The following ADGRB3 variants were observed in gnomAD, a reference collection of about 807,000 sequenced individuals.
The protein encoded by ADGRB3 is brain-specific angiogenesis inhibitor 3.
A neutral mutation model predicts 193.4 loss-of-function variants in ADGRB3; 37 were observed. The observed-to-expected ratio is 0.19, with a 90% confidence interval of 0.15 to 0.25. The LOEUF is 0.25. Ranked by LOEUF, ADGRB3 falls within the 10% of genes least tolerant of loss-of-function variation. The pLI is 1.00. For missense variants in ADGRB3, 1,637 were observed against 1,852.9 expected, an observed-to-expected ratio of 0.88 and a Z score of 2.14; for synonymous variants, 690 against 644.2, an observed-to-expected ratio of 1.07 and a Z score of -1.08.
intron 3 of ADGRB3, among the ~76,000 whole-genome samples, chr6:68,774,516 A>G (rs1766701362): frequency 6.6e-6 from 1 of 151,938 alleles, no homozygotes. Context: ...AATTCCCCTC[A>G]GTTTTGCTTT....
At chr6:69,349,218 T>C (rs575408781) in intron 26 of ADGRB3, among the ~76,000 whole-genome samples, 1 of 152,352 alleles carries the variant, frequency 6.6e-6, no homozygotes, top group Admixed American at 6.5e-5. Flanking sequence ...TCTATTCTCA[T>C]GCTGAAGAAA....
At chr6:68,805,040 A>G (rs1303875642) in intron 3 of ADGRB3, among the ~76,000 whole-genome samples, 1 of 151,668 alleles carries the variant, frequency 6.6e-6, no homozygotes, top group Admixed American at 6.6e-5. Context: ...CAATCCTCCC[A>G]CCTCAGCCTC....
At chr6:68,860,802 C>G (rs1765130062) in intron 3 of ADGRB3, among the ~76,000 whole-genome samples, 1 of 152,096 alleles carries the variant, frequency 6.6e-6, no homozygotes, top group Non-Finnish European at 1.5e-5. Flanking sequence ...CTATTATTCT[C>G]TGAGAAATCT....
chr6:69,187,184 A>G (rs973420304), intron 17 of ADGRB3, among the ~76,000 whole-genome samples: 2 of 152,098 alleles, frequency 1.3e-5, no homozygotes, highest in African/African-American at 4.8e-5. Context: ...AGAGAATGAA[A>G]GAGTAAGACC....
Position 69,361,439 on chromosome 6 carries a change from C to T in ADGRB3, c.4166C>T (p.Ala1389Val), listed in dbSNP as rs770174816. Reference sequence around the variant, plus strand: ...CGCACAGCTGTGAAGAATTTCATGGCCTCTGAGTTGGATGATAATGCAGGA... The same window carrying T: ...CGCACAGCTGTGAAGAATTTCATGGTCTCTGAGTTGGATGATAATGCAGGA... ...EPRTAVKNFM[A>V]SELDDNAGLS... The change falls in exon 29 of 32, where the codon GCC becomes GTC. Residue 1389 changes from alanine (A) to valine (V), a missense_variant. Ala to Val is a moderately conservative substitution (Grantham distance 64). This residue lies in a region of ADGRB3 where 368 missense variants were observed against 367.4 expected (regional missense o/e 1.00). Transcript: ENST00000370598. 1.9e-6 allele frequency: 3 copies of T among 1,612,636 alleles called. No individual in the cohort carries two copies. Among genetic ancestry groups the T allele is most frequent in the Non-Finnish European group, 2.5e-6 (3 of 1,179,144 alleles).
intron 6 of ADGRB3, among the ~76,000 whole-genome samples, chr6:68,950,965 T>TA: frequency 6.6e-6 from 1 of 152,196 alleles, no homozygotes; most frequent in East Asian, 1.9e-4. Flanking sequence ...TCGCATGGCC[T>TA]ATAGGGCCCT....
intron 3 of ADGRB3, among the ~76,000 whole-genome samples, chr6:68,920,510 A>G (rs1036440742): frequency 3.1e-5 from 2 of 64,888 alleles, no homozygotes; most frequent in African/African-American, 5.4e-5. Flanking sequence ...GAGACTCTGT[A>G]TCAAAAAAAA....
chr6:68,996,123 G>T (rs1769376111), intron 11 of ADGRB3, among the ~76,000 whole-genome samples: 2 of 152,024 alleles, frequency 1.3e-5, no homozygotes, highest in African/African-American at 4.8e-5. Flanking sequence ...AAGTTTTCTT[G>T]CATTTCTCCA....
At chr6:69,083,965 C>T (rs2150315258) in intron 17 of ADGRB3, among the ~76,000 whole-genome samples, 1 of 151,920 alleles carries the variant, frequency 6.6e-6, no homozygotes, top group South Asian at 2.1e-4. Context: ...AGTATAGACG[C>T]AGTTTCACCA....
chr6:69,327,960 C>A lies in ADGRB3; in HGVS notation c.3035+71C>A, dbSNP rs994510192. On this transcript the variant is annotated intron_variant, in intron 22 of 31. Coordinates refer to ENST00000370598, the MANE Select transcript of ADGRB3 (RefSeq NM_001704.3). ...CATCAAAGAGTCTTGGTTGGCACTG[C>A]TGATGGCTTGCAGTTTATCATGGAA... The A allele has an allele frequency of 1.2e-5, 16 of 1,358,812 alleles. No individual in the cohort carries two copies. In the Admixed American group the frequency reaches 1.7e-4, roughly 14 times the overall value. 84.2% of individuals were successfully genotyped at this position (1,358,812 alleles called of 1,614,324 possible). A position where few individuals can be genotyped will look rare whatever the true frequency, so the allele number is the denominator to read the frequency against.
intron 13 of ADGRB3, among the ~76,000 whole-genome samples, 190 bp downstream of exon 13, chr6:69,018,689 A>G (rs550850888): frequency 6.6e-6 from 1 of 152,024 alleles, no homozygotes; most frequent in South Asian, 2.1e-4. Context: ...ATGTACGCGT[A>G]TATTTGTATT....
chr6:69,383,384 G>C (rs1400785037), intron 31 of ADGRB3, among the ~76,000 whole-genome samples: 1 of 151,918 alleles, frequency 6.6e-6, no homozygotes, highest in East Asian at 1.9e-4. Flanking sequence ...TTTGTGGTAA[G>C]AATTTTCGTA....
intron 13 of ADGRB3, among the ~76,000 whole-genome samples, chr6:69,023,026 G>T (rs1770317758): frequency 6.6e-6 from 1 of 151,892 alleles, no homozygotes; most frequent in East Asian, 1.9e-4. Flanking sequence ...CTATTCTTTA[G>T]AAATTAATTG....
At chr6:68,987,031 C>A (rs1769097244) in intron 10 of ADGRB3, among the ~76,000 whole-genome samples, 1 of 152,092 alleles carries the variant, frequency 6.6e-6, no homozygotes, top group African/African-American at 2.4e-5. Flanking sequence ...TTTTTAGACT[C>A]ATTTTTCCCC....
intron 8 of ADGRB3, among the ~76,000 whole-genome samples, chr6:68,972,871 T>C (rs1162082276): frequency 6.6e-6 from 1 of 151,974 alleles, no homozygotes; most frequent in Non-Finnish European, 1.5e-5. Context: ...AGAAAGTATT[T>C]CCAAGAAGGT....
At chr6:69,308,170 C>A (rs149532423) in intron 20 of ADGRB3, among the ~76,000 whole-genome samples, 1 of 151,522 alleles carries the variant, frequency 6.6e-6, no homozygotes, top group African/African-American at 2.4e-5. Context: ...AATCAAACTG[C>A]GTGAGTTTGA....
intron 11 of ADGRB3, among the ~76,000 whole-genome samples, chr6:69,009,135 C>T (rs1769858453): frequency 6.6e-6 from 1 of 151,954 alleles, no homozygotes; most frequent in African/African-American, 2.4e-5. Flanking sequence ...TGATGTTGTA[C>T]ACTGGGGGCA....
chr6:69,264,345 T>A (rs1582589225), intron 20 of ADGRB3, among the ~76,000 whole-genome samples: 1 of 151,894 alleles, frequency 6.6e-6, no homozygotes. Context: ...AAACTATCAG[T>A]GTGATCAGTT....
chr6:69,137,689 C>T (rs1774192947), intron 17 of ADGRB3, among the ~76,000 whole-genome samples: 1 of 151,876 alleles, frequency 6.6e-6, no homozygotes, highest in Non-Finnish European at 1.5e-5. Flanking sequence ...CCCAGCTACT[C>T]GAGAGGCTGA....
Sources: gnomAD v4.1 joint callset for allele counts (sites outside exome capture counted in the v4.1 genomes callset) on GRCh38, gnomAD v4.1.1 for gene constraint, gnomAD v4.1.1 regional missense constraint, MANE v1.5 for transcripts, NCBI Gene and HGNC (gene_info 2026-07-23, HGNC 2026-07-21) for gene names.